ARHGAP44: variants seen among roughly 807,000 people sequenced by gnomAD.
The protein encoded by ARHGAP44 is rho GTPase-activating protein 44.
ARHGAP44 carries 43 observed loss-of-function variants against 106.8 expected under a neutral mutation model. That is an observed-to-expected ratio of 0.40 (90% CI 0.32 to 0.52). The LOEUF is 0.52. Ranked by LOEUF, ARHGAP44 falls within the 20% of genes least tolerant of loss-of-function variation. The pLI is 0.48. For synonymous variants in ARHGAP44, 439 were observed against 410.3 expected, an observed-to-expected ratio of 1.07 and a Z score of -0.85; for missense variants, 866 against 1,050.5, an observed-to-expected ratio of 0.82 and a Z score of 2.43.
chr17:12,804,412 G>T (rs568920501), intron 1 of ARHGAP44, among the ~76,000 whole-genome samples: 1 of 152,192 alleles, frequency 6.6e-6, no homozygotes, highest in Non-Finnish European at 1.5e-5. Context: ...GGAGTTGGAC[G>T]TGGGGATAGC....
chr17:12,812,852 C>G (rs762841967), intron 1 of ARHGAP44, among the ~76,000 whole-genome samples: 20 of 152,088 alleles, frequency 1.3e-4, no homozygotes, highest in Non-Finnish European at 2.6e-4. Flanking sequence ...TTGAACTGAC[C>G]TTACTTTGGC....
chr17:12,935,157 A>G (rs1361267524), intron 7 of ARHGAP44, among the ~76,000 whole-genome samples: 1 of 152,196 alleles, frequency 6.6e-6, no homozygotes, highest in Non-Finnish European at 1.5e-5. Flanking sequence ...ATAATCCTGA[A>G]TAGATTACTT....
At chr17:12,943,172 G>T (rs2038752644) in intron 8 of ARHGAP44, among the ~76,000 whole-genome samples, 1 of 152,216 alleles carries the variant, frequency 6.6e-6, no homozygotes, top group African/African-American at 2.4e-5. Flanking sequence ...CTCCTGAGTA[G>T]CTGGGATTAC....
At chr17:12,981,520 C>T (rs763944468) in intron 19 of ARHGAP44, among the ~76,000 whole-genome samples, 5 of 151,930 alleles carry the variant, frequency 3.3e-5, no homozygotes, top group Non-Finnish European at 7.4e-5. Flanking sequence ...GCCTCAGCCT[C>T]CCAAGTAGCT....
At chr17:12,928,329 T>C (rs993554063) in intron 6 of ARHGAP44, among the ~76,000 whole-genome samples, 2 of 152,172 alleles carry the variant, frequency 1.3e-5, no homozygotes, top group Non-Finnish European at 2.9e-5. Context: ...TCCCACAGGA[T>C]AGGCAGGGGA....
intron 1 of ARHGAP44, among the ~76,000 whole-genome samples, chr17:12,810,766 C>G (rs1434910168): frequency 2.0e-5 from 3 of 152,164 alleles, no homozygotes; most frequent in Non-Finnish European, 4.4e-5. Flanking sequence ...GTATCTCTTT[C>G]ACTTGGTTGT....
At chr17:12,812,797 G>T (rs1274614639) in intron 1 of ARHGAP44, among the ~76,000 whole-genome samples, 7 of 152,192 alleles carry the variant, frequency 4.6e-5, no homozygotes, top group Non-Finnish European at 8.8e-5. Context: ...ATTTCTTACT[G>T]AATGCATGAG....
At chr17:12,911,293 C>T (rs1166090297) in intron 4 of ARHGAP44, among the ~76,000 whole-genome samples, 1 of 151,968 alleles carries the variant, frequency 6.6e-6, no homozygotes, top group Non-Finnish European at 1.5e-5. Context: ...ATTTTCTCTC[C>T]TTCCAAAATC....
chr17:12,808,333 C>T (rs2034338978), intron 1 of ARHGAP44, among the ~76,000 whole-genome samples: 1 of 152,250 alleles, frequency 6.6e-6, no homozygotes, highest in Admixed American at 6.5e-5. Context: ...CTGTGTGGGG[C>T]TCGAACCCCA....
At chr17:12,888,072 C>T (rs2036934263) in intron 1 of ARHGAP44, among the ~76,000 whole-genome samples, 1 of 151,740 alleles carries the variant, frequency 6.6e-6, no homozygotes, top group Non-Finnish European at 1.5e-5. Flanking sequence ...CTTTGAGTTT[C>T]TTTAGTTTTT....
Position 12,943,543 on chromosome 17 carries a change from T to C in ARHGAP44, c.652-45T>C, listed in dbSNP as rs186798686. ...GCTTTGCATGCCATGGCAGCCTGTG[T>C]CCTTGCCCCTCACTAAGGGTGATGC... On this transcript the variant is annotated intron_variant, in intron 8 of 20. Coordinates refer to ENST00000379672, the MANE Select transcript of ARHGAP44 (RefSeq NM_014859.6). 261 of 1,592,202 alleles carry C rather than the reference T, an allele frequency of 1.6e-4. 1 individual carries two copies. The African/African-American group carries it at 3.0e-3, about 18-fold the overall frequency.
At chr17:12,987,447 G>A (rs1281176277) in intron 20 of ARHGAP44, 3 of 337,424 alleles carry the variant, frequency 8.9e-6, no homozygotes, top group African/African-American at 2.1e-5. Context: ...CTCCCCCTCC[G>A]CCCTCCCTCA....
chr17:12,861,667 A>G (rs1268591935), intron 1 of ARHGAP44, among the ~76,000 whole-genome samples: 19 of 476 alleles, frequency 0.04, no homozygotes, highest in African/African-American at 0.092. Flanking sequence ...TTGAGATGGA[A>G]TCTTGCTCAG....
At chr17:12,915,761 G>C in intron 4 of ARHGAP44, 139 bp from the exon 5 acceptor site, 1 of 675,708 alleles carries the variant, frequency 1.5e-6, no homozygotes, top group East Asian at 2.8e-5. Context: ...GTTGGCCCAG[G>C]GGAAGCCATG....
At chr17:12,819,506 A>G (rs2150793547) in intron 1 of ARHGAP44, among the ~76,000 whole-genome samples, 2 of 152,056 alleles carry the variant, frequency 1.3e-5, no homozygotes, top group African/African-American at 4.8e-5. Context: ...CAGTTTCCCA[A>G]GGTATTTATA....
At chr17:12,848,618 C>T (rs550797312) in intron 1 of ARHGAP44, among the ~76,000 whole-genome samples, 3 of 152,246 alleles carry the variant, frequency 2.0e-5, no homozygotes, top group South Asian at 2.1e-4. Flanking sequence ...TAGCCCTCTG[C>T]CAGGGTGCTT....
At chr17:12,923,508 T>C (rs4792301) in intron 6 of ARHGAP44, among the ~76,000 whole-genome samples, 115,996 of 151,966 alleles carry the variant, frequency 0.76, 44,799 homozygotes, top group East Asian at 0.98. Context: ...TGAGCCACTG[T>C]GCCCGGCCGC....
chr17:12,904,210 G>A (rs752727750), intron 3 of ARHGAP44, among the ~76,000 whole-genome samples: 15 of 151,888 alleles, frequency 9.9e-5, no homozygotes, highest in East Asian at 1.9e-4. Flanking sequence ...AGGTTCAAGC[G>A]ATTCTCCTGC....
At chr17:12,822,376 G>C (rs147630450) in intron 1 of ARHGAP44, among the ~76,000 whole-genome samples, 2 of 152,278 alleles carry the variant, frequency 1.3e-5, no homozygotes, top group Non-Finnish European at 2.9e-5. Context: ...AATTTGGTGT[G>C]TAGGTTATAG....
Sources: allele counts gnomAD v4.1 joint callset (sites outside exome capture counted in the v4.1 genomes callset), GRCh38; gene constraint gnomAD v4.1.1; transcripts MANE v1.5; gene names NCBI Gene and HGNC (gene_info 2026-07-23, HGNC 2026-07-21).